The following ABCB5 variants were observed in gnomAD, a reference collection of about 807,000 sequenced individuals.
ABCB5 encodes the protein ATP-binding cassette sub-family B member 5.
In ABCB5, 155 loss-of-function variants were observed where a neutral mutation model predicts 144.2. The observed-to-expected ratio is 1.08, with a 90% CI of 0.94 to 1.23. The LOEUF (loss-of-function observed/expected upper bound fraction) is 1.23, where lower values mean the gene tolerates loss of function less well. ABCB5 is among the 50% of genes most tolerant of loss of function. The probability of loss-of-function intolerance (pLI) is 0.00; values close to 1 mark genes in which losing one functional copy is unlikely to be tolerated. For synonymous variants in ABCB5, 610 were observed against 528.6 expected (o/e 1.15, Z -2.11); for missense variants, 1,830 against 1,520.8 (o/e 1.20, Z -3.38).
chr7:20,664,450 A>C (rs1785105978), intron 14 of ABCB5, among the ~76,000 whole-genome samples: 2 of 152,234 alleles, frequency 1.3e-5, no homozygotes, highest in African/African-American at 2.4e-5. Flanking sequence ...GAATATACTA[A>C]AAGGTCTTCT....
intron 14 of ABCB5, chr7:20,659,015 C>T: frequency 3.8e-6 from 6 of 1,593,534 alleles, no homozygotes; most frequent in Non-Finnish European, 4.3e-6. Context: ...CCCTTTGCTT[C>T]TTCTACATAC....
At chr7:20,747,315 G>A (rs529422060) in intron 26 of ABCB5, among the ~76,000 whole-genome samples, 1 of 152,106 alleles carries the variant, frequency 6.6e-6, no homozygotes, top group South Asian at 2.1e-4. Flanking sequence ...CTGTCACCCA[G>A]GCTGCAGTGC....
chr7:20,665,389 G>A (rs1379175221), intron 14 of ABCB5, among the ~76,000 whole-genome samples: 3 of 152,078 alleles, frequency 2.0e-5, no homozygotes, highest in South Asian at 4.2e-4. Flanking sequence ...AACCCATGTC[G>A]ACCCAGAAGA....
chr7:20,649,408 G>A (rs1311942359), intron 11 of ABCB5, among the ~76,000 whole-genome samples: 1 of 152,160 alleles, frequency 6.6e-6, no homozygotes, highest in East Asian at 1.9e-4. Context: ...GATCACTGTT[G>A]TCATTTCGAG....
chr7:20,753,292 C>T (rs889751397), intron 26 of ABCB5, 68 bp from the exon 27 acceptor site: 13 of 1,537,922 alleles, frequency 8.5e-6, no homozygotes, highest in South Asian at 5.0e-5. Flanking sequence ...AGATGGTTCT[C>T]GCCCACAGTT....
chr7:20,655,458 G>A (rs1784753787), intron 13 of ABCB5, among the ~76,000 whole-genome samples: 1 of 152,082 alleles, frequency 6.6e-6, no homozygotes, highest in Non-Finnish European at 1.5e-5. Context: ...GGGCAACAGA[G>A]CAAGACTCTG....
At chr7:20,644,299 G>A (rs769252032) in intron 7 of ABCB5, among the ~76,000 whole-genome samples, 7 of 151,940 alleles carry the variant, frequency 4.6e-5, no homozygotes, top group African/African-American at 9.7e-5. Context: ...GGCTGATCTC[G>A]AATTCTTGGG....
chr7:20,748,855 G>A (rs373259783), intron 26 of ABCB5, among the ~76,000 whole-genome samples: 13 of 151,772 alleles, frequency 8.6e-5, no homozygotes, highest in African/African-American at 2.2e-4. Context: ...GAAGAAAGTC[G>A]GCTTCACATA....
intron 14 of ABCB5, among the ~76,000 whole-genome samples, chr7:20,679,891 G>A (rs1785733985): frequency 1.3e-5 from 2 of 152,036 alleles, no homozygotes; most frequent in African/African-American, 4.8e-5. Flanking sequence ...CACACTTTAC[G>A]ACTCAGCAAT....
At chr7:20,732,941 G>A (rs1782268389) in intron 23 of ABCB5, among the ~76,000 whole-genome samples, 1 of 152,152 alleles carries the variant, frequency 6.6e-6, no homozygotes, top group Non-Finnish European at 1.5e-5. Context: ...CATTACTTAT[G>A]AAAATTGCTA....
At chr7:20,622,421 T>C (rs1403928034) in intron 1 of ABCB5, among the ~76,000 whole-genome samples, 1 of 152,132 alleles carries the variant, frequency 6.6e-6, no homozygotes, top group Non-Finnish European at 1.5e-5. Flanking sequence ...GCCTTCCTCC[T>C]TGGTGCTAAA....
intron 5 of ABCB5, among the ~76,000 whole-genome samples, chr7:20,638,883 G>T (rs1045069685): frequency 6.6e-6 from 1 of 152,060 alleles, no homozygotes; most frequent in South Asian, 2.1e-4. Context: ...CCTAGGAGTG[G>T]AATTGCTGGG....
chr7:20,735,158 C>T lies in ABCB5; in HGVS notation c.2868-3825C>T, dbSNP rs184490811. Among the ~76,000 whole-genome samples, 505 of 152,238 alleles carry T rather than the reference C, an allele frequency of 3.3e-3. 1 individual carries two copies. The highest frequency in any genetic ancestry group is 0.01 in the Middle Eastern group (3 of 294). On this transcript the variant is annotated intron_variant, in intron 23 of 27. Transcript: ENST00000404938. ...GAAAGAATCAAGATATGGCAGCCCT[C>T]AATACAGTAATAATAAAAGCCACAG...
At chr7:20,718,573 C>T (rs770249132) in intron 20 of ABCB5, among the ~76,000 whole-genome samples, 3 of 152,094 alleles carry the variant, frequency 2.0e-5, no homozygotes, top group Non-Finnish European at 4.4e-5. Flanking sequence ...AGTCTTGAAA[C>T]TGAAACCACA....
rs556630853 is a variant in ABCB5, at chr7:20,735,429, G to C, written c.2868-3554G>C. Among the ~76,000 whole-genome samples the C allele has an allele frequency of 9.8e-5, 15 of 152,326 alleles. No individual in the cohort carries two copies. The East Asian group carries it at 2.9e-3, about 29-fold the overall frequency. ...CCATCATCTTTGCCCTAGGAGGCTG[G>C]GCAGCCAGGGAAGAACTGTGAGTGT... On this transcript the variant is annotated intron_variant, in intron 23 of 27. Coordinates refer to ENST00000404938, the MANE Select transcript of ABCB5 (RefSeq NM_001163941.2).
chr7:20,662,497 G>C (rs1785033761), intron 14 of ABCB5, among the ~76,000 whole-genome samples: 1 of 152,048 alleles, frequency 6.6e-6, no homozygotes, highest in Non-Finnish European at 1.5e-5. Context: ...ACACACTAAT[G>C]CACACACATT....
chr7:20,634,873 TGATTATTTCTTTTGCTGTGCA>T (rs1784118572), intron 5 of ABCB5, among the ~76,000 whole-genome samples: 2 of 152,290 alleles, frequency 1.3e-5, no homozygotes, highest in Admixed American at 1.3e-4. Context: ...TTCACTCTGT[TGATTATTTCTTTTGCTGTGCA>T]GAAGCTTTTT....
chr7:20,654,264 C>A (rs1041948716), intron 13 of ABCB5, among the ~76,000 whole-genome samples: 4 of 152,006 alleles, frequency 2.6e-5, no homozygotes, highest in Admixed American at 1.3e-4. Context: ...CTCAGTACAT[C>A]ATTTACAAAA....
chr7:20,683,796 T>G (rs1785902599), intron 15 of ABCB5, among the ~76,000 whole-genome samples: 2 of 152,224 alleles, frequency 1.3e-5, no homozygotes, highest in African/African-American at 4.8e-5. Flanking sequence ...AATGTGAAGA[T>G]CTGCACATTC....
Sources: gnomAD v4.1 joint callset for allele counts (sites outside exome capture counted in the v4.1 genomes callset) on GRCh38, gnomAD v4.1.1 for gene constraint, MANE v1.5 for transcripts, NCBI Gene and HGNC (gene_info 2026-07-23, HGNC 2026-07-21) for gene names.